Variants in STAT4 observed in about 807,000 individuals in gnomAD.
STAT4 encodes signal transducer and activator of transcription 4.
Under a neutral mutation model 110.5 loss-of-function variants are expected in STAT4, and 42 were observed. The observed-to-expected ratio is 0.38, with a 90% CI of 0.30 to 0.49. The LOEUF is 0.49. STAT4 is among the 20% of genes least tolerant of loss of function. The pLI is 0.95. For missense variants in STAT4, 632 were observed against 887.9 expected (o/e 0.71, Z 3.66); for synonymous variants, 284 against 302.2 (o/e 0.94, Z 0.63).
At position 191,113,742 on chromosome 2, in the gene STAT4, A is replaced by G. The variant is rs1319800319; in HGVS notation, c.273+32871T>C. Among the ~76,000 whole-genome samples, 4 of 152,240 alleles carry G rather than the reference A, an allele frequency of 2.6e-5. No individual in the cohort carries two copies. The highest frequency in any genetic ancestry group is 9.6e-5 in the African/African-American group (4 of 41,460). On this transcript the variant is annotated intron_variant, in intron 3 of 23. Transcript: ENST00000392320. The surrounding 1 kb of genome is among the most constrained non-coding windows in gnomAD (Gnocchi z 4.8). ...TAGGATAGAGAAAAAATAATTACGG[A>G]AACCAGTATAAAGAAAATCTGTGAA...
Position 191,060,209 on chromosome 2 carries a change from A to T in STAT4, c.1035-1440T>A, listed in dbSNP as rs549202951. Among the ~76,000 whole-genome samples, 17 of 152,056 alleles carry T rather than the reference A, an allele frequency of 1.1e-4. No individual in the cohort carries two copies. Among genetic ancestry groups the T allele is most frequent in the Admixed American group, 2.0e-4 (3 of 15,270 alleles). On this transcript the variant is annotated intron_variant, in intron 10 of 23. Coordinates refer to ENST00000392320, the MANE Select transcript of STAT4 (RefSeq NM_003151.4). This position sits in a 1 kb window ranked among gnomAD's most constrained non-coding sequence, Gnocchi z 4.5. ...ATTCAGAGTGCCTCTTCCACTTAGA[A>T]TTTTTTTGCTAGGCAATCCCTACTC...
Position 191,137,489 on chromosome 2 carries a change from A to G in STAT4, c.273+9124T>C, listed in dbSNP as rs551975997. Among the ~76,000 whole-genome samples the G allele has an allele frequency of 8.5e-5, 13 of 152,336 alleles. No homozygotes were observed. In the South Asian group the frequency reaches 2.7e-3, roughly 32 times the overall value. On this transcript the variant is annotated intron_variant, in intron 3 of 23. Transcript: ENST00000392320. ...TTAAAATACCAATGTCGTTTTTCAC[A>G]GAAATAGAAAAAACAAAATAGTAAA...
At chr2:191,111,534 G>A (rs1330501771) in intron 3 of STAT4, among the ~76,000 whole-genome samples, 1 of 152,094 alleles carries the variant, frequency 6.6e-6, no homozygotes, top group Non-Finnish European at 1.5e-5. Flanking sequence ...AAATAATTAT[G>A]CAGAGTGAAA....
At chr2:191,074,985 A>C (rs1270416194) in intron 4 of STAT4, among the ~76,000 whole-genome samples, 2 of 151,996 alleles carry the variant, frequency 1.3e-5, no homozygotes, top group African/African-American at 4.8e-5. Flanking sequence ...ATGTAGTGAA[A>C]TCTGTCTCTA....
At chr2:191,047,027 GA>G (rs1445186168) in intron 14 of STAT4, among the ~76,000 whole-genome samples, 4 of 152,168 alleles carry the variant, frequency 2.6e-5, no homozygotes, top group Non-Finnish European at 2.9e-5. Context: ...GAGAGGGATT[GA>G]AAGTTGAATT....
intron 13 of STAT4, among the ~76,000 whole-genome samples, chr2:191,057,788 C>T (rs998255097): frequency 6.6e-5 from 10 of 151,594 alleles, no homozygotes; most frequent in South Asian, 2.1e-4. Context: ...TTAGTATAGA[C>T]GGGGTTTCAC....
chr2:191,047,943 G>A (rs1360896496), intron 14 of STAT4, among the ~76,000 whole-genome samples: 3 of 152,194 alleles, frequency 2.0e-5, no homozygotes, highest in Admixed American at 6.5e-5. Context: ...TGGGATTACA[G>A]GCATGAGCCA....
Position 191,062,199 on chromosome 2 carries a change from G to A in STAT4, c.942-378C>T, listed in dbSNP as rs942497945. 6.6e-6 allele frequency among the ~76,000 whole-genome samples: 1 copy of A among 151,992 alleles called. No individual in the cohort carries two copies. The highest frequency in any genetic ancestry group is 1.5e-5 in the Non-Finnish European group (1 of 68,000). ...CCTCCTGAGTATCTAGGACTATAGG[G>A]ATGTGCCACCATGCCTGGATACATT... is the stretch of plus-strand genomic sequence containing the variant. On this transcript the variant is annotated intron_variant, in intron 9 of 23. Coordinates refer to ENST00000392320, the MANE Select transcript of STAT4 (RefSeq NM_003151.4). The surrounding 1 kb of genome is among the most constrained non-coding windows in gnomAD (Gnocchi z 4.9).
upstream of STAT4, chr2:191,151,555 TG>T: frequency 1.0e-6 from 1 of 985,584 alleles, no homozygotes. This position sits in a 1 kb window ranked among gnomAD's most constrained non-coding sequence, Gnocchi z 4.7. Flanking sequence ...TTGCCCTTCC[TG>T]ACCTAGCCTC....
At chr2:191,139,372 T>A (rs571138213) in intron 3 of STAT4, among the ~76,000 whole-genome samples, 2 of 152,282 alleles carry the variant, frequency 1.3e-5, no homozygotes, top group Non-Finnish European at 2.9e-5. Flanking sequence ...CAGGAAGCTC[T>A]TAACTCTGAT....
At position 191,033,234 on chromosome 2, in the gene STAT4, G is replaced by A. The variant is rs1695950118; in HGVS notation, c.1853-85C>T. On this transcript the variant is annotated intron_variant, in intron 20 of 23. Transcript: ENST00000392320. This position sits in a 1 kb window ranked among gnomAD's most constrained non-coding sequence, Gnocchi z 6.9. ...TCTTCCCTGCCCACATTATCTTCAT[G>A]CCACTGGAGTGACTTGTCAGTTCAT... 9 of 1,384,854 alleles carry A rather than the reference G, an allele frequency of 6.5e-6. No homozygotes were observed. Among genetic ancestry groups the A allele is most frequent in the Non-Finnish European group, 6.9e-6 (7 of 1,012,378 alleles). 85.8% of individuals were successfully genotyped at this position (1,384,854 alleles called of 1,614,324 possible).
chr2:191,125,476 TTTA>T (rs6147087), intron 3 of STAT4, among the ~76,000 whole-genome samples: 5 of 138,004 alleles, frequency 3.6e-5, no homozygotes, highest in South Asian at 2.5e-4. Flanking sequence ...ATCCTCATTA[TTTA>T]TTATTATTAT....
chr2:191,132,996 T>C (rs1228400663), intron 3 of STAT4, among the ~76,000 whole-genome samples: 2 of 151,472 alleles, frequency 1.3e-5, no homozygotes, highest in East Asian at 1.9e-4. Flanking sequence ...CCTCGTGATC[T>C]GCCCACCTCG....
chr2:191,075,852 T>TTTG (rs1553509132), intron 4 of STAT4, among the ~76,000 whole-genome samples: 85 of 149,360 alleles, frequency 5.7e-4, no homozygotes, highest in African/African-American at 2.0e-3. Context: ...TTTTTTTTTT[T>TTTG]TTTTGTTTTG....
chr2:191,139,223 A>G (rs1185103148), intron 3 of STAT4, among the ~76,000 whole-genome samples: 1 of 152,040 alleles, frequency 6.6e-6, no homozygotes, highest in Admixed American at 6.6e-5. Flanking sequence ...ACTTCTAATC[A>G]ACATAGTACT....
chr2:191,148,802 A>T (rs1044247794), intron 1 of STAT4, among the ~76,000 whole-genome samples: 2 of 152,138 alleles, frequency 1.3e-5, no homozygotes, highest in African/African-American at 2.4e-5. Flanking sequence ...CCAGTTTTTT[A>T]AATTAAAAAT....
At position 191,048,788 on chromosome 2, in the gene STAT4, C is replaced by CA. The variant is rs60267174; in HGVS notation, c.1251+5701dup. Among the ~76,000 whole-genome samples, 35 of 48,796 alleles carry CA rather than the reference C, an allele frequency of 7.2e-4. 3 individuals are homozygous for CA. The highest frequency in any genetic ancestry group is 2.7e-3 in the African/African-American group (27 of 9,932). 32.0% of individuals were successfully genotyped at this position (48,796 alleles called of 152,430 possible). A position where few individuals can be genotyped will look rare whatever the true frequency, so the allele number is the denominator to read the frequency against. On this transcript the variant is annotated intron_variant, in intron 14 of 23. Coordinates refer to ENST00000392320, the MANE Select transcript of STAT4 (RefSeq NM_003151.4). ...GCAACAAGAGTGAGAAACTCCATCT[C>CA]AAAAAAAAAAAAAAAAAAAAAAAAA...
intron 3 of STAT4, among the ~76,000 whole-genome samples, chr2:191,078,526 T>A (rs908332306): frequency 6.6e-6 from 1 of 152,190 alleles, no homozygotes; most frequent in African/African-American, 2.4e-5. Context: ...AAACATCTTA[T>A]GGAAAATTGA....
chr2:191,080,591 T>C lies in STAT4; in HGVS notation c.274-4266A>G, dbSNP rs187876581. 3.3e-5 allele frequency among the ~76,000 whole-genome samples: 5 copies of C among 152,286 alleles called. No homozygotes were observed. In the East Asian group the frequency reaches 9.7e-4, roughly 29 times the overall value. On this transcript the variant is annotated intron_variant, in intron 3 of 23. Transcript: ENST00000392320. ...CCAGGACTCATATTTTTTCTACATA[T>C]GGTTAAATGGTTTGTTGACTGAAAC...
Sources: gnomAD v4.1 joint callset for allele counts (sites outside exome capture counted in the v4.1 genomes callset) on GRCh38, gnomAD v4.1.1 for gene constraint, Gnocchi (gnomAD v3.1) non-coding constraint, MANE v1.5 for transcripts, NCBI Gene and HGNC (gene_info 2026-07-23, HGNC 2026-07-21) for gene names.